The following RBFOX3 variants were observed in gnomAD, a reference collection of about 807,000 sequenced individuals.
RBFOX3 encodes RNA binding protein fox-1 homolog 3.
RBFOX3 carries 17 observed loss-of-function variants against 48.7 expected under a neutral mutation model. The observed-to-expected ratio is 0.35, with a 90% CI of 0.24 to 0.52. RBFOX3 has a LOEUF of 0.52. RBFOX3 is among the 20% of genes least tolerant of loss of function. The pLI is 0.94. For missense variants in RBFOX3, 382 were observed against 497.5 expected, an observed-to-expected ratio of 0.77 and a Z score of 2.21; for synonymous variants, 212 against 209.5, an observed-to-expected ratio of 1.01 and a Z score of -0.10.
the RBFOX3 span, among the ~76,000 whole-genome samples, chr17:79,644,744 G>A: frequency 6.6e-6 from 1 of 152,142 alleles, no homozygotes; most frequent in African/African-American, 2.4e-5. Context: ...ATCTCTGGGC[G>A]AAAGTAAAGA....
At chr17:79,190,414 C>CAAAAA (rs71161650) in intron 4 of RBFOX3, among the ~76,000 whole-genome samples, 1 of 93,518 alleles carries the variant, frequency 1.1e-5, no homozygotes, top group Non-Finnish European at 2.1e-5. Context: ...TCTGTCTCAC[C>CAAAAA]AAAAAAAAAA....
chr17:79,587,633 C>T (rs1482555732), intron 1 of RBFOX3, among the ~76,000 whole-genome samples: 10 of 152,202 alleles, frequency 6.6e-5, no homozygotes, highest in Non-Finnish European at 1.0e-4. Flanking sequence ...GGCGAGGTCC[C>T]CCCACGGAGC....
At chr17:79,536,043 C>T (rs782415057) in intron 1 of RBFOX3, among the ~76,000 whole-genome samples, 1 of 152,190 alleles carries the variant, frequency 6.6e-6, no homozygotes, top group Non-Finnish European at 1.5e-5. Flanking sequence ...AAGCTGGTCT[C>T]ACAGGGGGCT....
rs1234135453 is a variant in RBFOX3, at chr17:79,434,057, G to A, written c.-175+48397C>T. Among the ~76,000 whole-genome samples, 5 of 152,132 alleles carry A rather than the reference G, an allele frequency of 3.3e-5. 1 individual carries two copies. The highest frequency in any genetic ancestry group is 7.2e-5 in the African/African-American group (3 of 41,418). On this transcript the variant is annotated intron_variant, in intron 2 of 14. Transcript: ENST00000693108. ...GGAACACTGGACAGCTGTGTTGCAC[G>A]GGGCTCCAGCGCCCTTTTAAACAGT...
chr17:79,145,457 T>G (rs1241897087), intron 4 of RBFOX3, among the ~76,000 whole-genome samples: 2 of 152,222 alleles, frequency 1.3e-5, no homozygotes, highest in East Asian at 3.9e-4. Flanking sequence ...CCACAGGGAC[T>G]TTAAAGGCTC....
intron 2 of RBFOX3, among the ~76,000 whole-genome samples, chr17:79,354,132 T>C (rs904786853): frequency 6.6e-6 from 1 of 152,100 alleles, no homozygotes; most frequent in African/African-American, 2.4e-5. Context: ...AGAGGGTCCA[T>C]CAGTTCAATG....
At chr17:79,191,370 C>T (rs1310770472) in intron 4 of RBFOX3, among the ~76,000 whole-genome samples, 1 of 152,192 alleles carries the variant, frequency 6.6e-6, no homozygotes, top group Non-Finnish European at 1.5e-5. Context: ...GTAGCCCCAG[C>T]CCCAGCACTC....
intron 2 of RBFOX3, among the ~76,000 whole-genome samples, chr17:79,426,013 G>T (rs79854930): frequency 0.024 from 3,719 of 152,184 alleles, 94 homozygotes; most frequent in African/African-American, 0.059. Flanking sequence ...AGAGTGTGGA[G>T]GGGGAGAGAG....
chr17:79,512,372 C>T (rs371257517), intron 1 of RBFOX3, among the ~76,000 whole-genome samples: 11 of 123,384 alleles, frequency 8.9e-5, no homozygotes, highest in South Asian at 5.9e-4. Context: ...GACACCCACC[C>T]GGATACATGT....
At chr17:79,289,170 C>G (rs534643772) in intron 3 of RBFOX3, among the ~76,000 whole-genome samples, 5 of 152,214 alleles carry the variant, frequency 3.3e-5, no homozygotes, top group African/African-American at 9.6e-5. Flanking sequence ...CAGGCCTCTC[C>G]AATACGTTCC....
intron 2 of RBFOX3, among the ~76,000 whole-genome samples, chr17:79,444,862 G>C (rs543064178): frequency 3.9e-5 from 6 of 151,922 alleles, no homozygotes; most frequent in Non-Finnish European, 8.8e-5. Context: ...AATATATAAG[G>C]AATTACAACT....
chr17:79,153,730 C>A (rs373383177), intron 4 of RBFOX3, among the ~76,000 whole-genome samples: 1 of 152,200 alleles, frequency 6.6e-6, no homozygotes, highest in African/African-American at 2.4e-5. Context: ...CCACCACCTG[C>A]ACCTGGGCAC....
At chr17:79,536,222 G>A (rs376463111) in intron 1 of RBFOX3, among the ~76,000 whole-genome samples, 2 of 152,184 alleles carry the variant, frequency 1.3e-5, no homozygotes, top group African/African-American at 4.8e-5. Flanking sequence ...GATTACAGGT[G>A]TGCACCACTA....
At chr17:79,378,736 C>T (rs2059530706) in intron 2 of RBFOX3, among the ~76,000 whole-genome samples, 1 of 152,222 alleles carries the variant, frequency 6.6e-6, no homozygotes, top group African/African-American at 2.4e-5. Flanking sequence ...CACACAATTA[C>T]CCCAAGTTTC....
At chr17:79,248,787 C>T (rs1396472448) in intron 3 of RBFOX3, among the ~76,000 whole-genome samples, 2 of 152,212 alleles carry the variant, frequency 1.3e-5, no homozygotes, top group Non-Finnish European at 2.9e-5. Context: ...TCTTTGGGGA[C>T]TGAGGCTGGC....
At chr17:79,266,418 G>C (rs758150331) in intron 3 of RBFOX3, among the ~76,000 whole-genome samples, 1 of 152,214 alleles carries the variant, frequency 6.6e-6, no homozygotes, top group Non-Finnish European at 1.5e-5. Context: ...TCTGTGTTCT[G>C]TTGGGACTGT....
At chr17:79,290,384 C>A (rs1004085553) in intron 3 of RBFOX3, among the ~76,000 whole-genome samples, 3 of 152,078 alleles carry the variant, frequency 2.0e-5, no homozygotes, top group African/African-American at 7.2e-5. Flanking sequence ...CCTCTAAGGG[C>A]CTCATTTTCC....
Position 79,243,158 on chromosome 17 carries a change from T to G in RBFOX3, c.-73-7353A>C, listed in dbSNP as rs1189690546. Among the ~76,000 whole-genome samples, 1 of 151,270 alleles carries G rather than the reference T, an allele frequency of 6.6e-6. No homozygotes were observed. Among genetic ancestry groups the G allele is most frequent in the Non-Finnish European group, 1.5e-5 (1 of 67,902 alleles). Reference sequence around the variant, plus strand: ...CTGAAGCTTGGGGAAGTGAAGCAGATTGCCCTAAATGCCACAGCTGGTAGC... The same window carrying G: ...CTGAAGCTTGGGGAAGTGAAGCAGAGTGCCCTAAATGCCACAGCTGGTAGC... On this transcript the variant is annotated intron_variant, in intron 3 of 14. Coordinates refer to ENST00000693108, the MANE Select transcript of RBFOX3 (RefSeq NM_001350451.2). The surrounding 1 kb of genome is among the most constrained non-coding windows in gnomAD (Gnocchi z 7.9).
At chr17:79,447,749 C>T (rs1436385437) in intron 2 of RBFOX3, among the ~76,000 whole-genome samples, 1 of 152,182 alleles carries the variant, frequency 6.6e-6, no homozygotes, top group Non-Finnish European at 1.5e-5. Flanking sequence ...GAGCATTGCT[C>T]AGCAGAGCAG....
Sources: allele counts gnomAD v4.1 joint callset (sites outside exome capture counted in the v4.1 genomes callset), GRCh38; gene constraint gnomAD v4.1.1; non-coding constraint Gnocchi (gnomAD v3.1); transcripts MANE v1.5; gene names NCBI Gene and HGNC (gene_info 2026-07-23, HGNC 2026-07-21).